AOAH: variants seen among roughly 807,000 people sequenced by gnomAD.
The protein encoded by AOAH is acyloxyacyl hydrolase.
AOAH carries 64 observed loss-of-function variants against 92.2 expected under a neutral mutation model. That is an observed-to-expected ratio of 0.69 (90% confidence interval 0.57 to 0.86). The LOEUF (loss-of-function observed/expected upper bound fraction) is 0.86, where lower values mean the gene tolerates loss of function less well. Among genes scored for constraint, AOAH ranks in the 40% least tolerant of loss-of-function variants. The pLI, the probability that AOAH is intolerant of heterozygous loss-of-function variation, is 0.00. For missense variants in AOAH, 656 were observed against 694.6 expected (o/e 0.94, Z 0.62); for synonymous variants, 263 against 254.5 (o/e 1.03, Z -0.32).
intron 4 of AOAH, among the ~76,000 whole-genome samples, chr7:36,652,512 C>G (rs767247189): frequency 6.6e-6 from 1 of 152,122 alleles, no homozygotes; most frequent in Non-Finnish European, 1.5e-5. Flanking sequence ...CTTAAAGACT[C>G]ACTTCTAAAG....
intron 2 of AOAH, among the ~76,000 whole-genome samples, chr7:36,684,514 A>G (rs1056206486): frequency 6.6e-6 from 1 of 152,206 alleles, no homozygotes; most frequent in African/African-American, 2.4e-5. Context: ...AGAAGTGTCC[A>G]TTATATGTCA....
chr7:36,582,162 C>T (rs1276012835), intron 12 of AOAH, among the ~76,000 whole-genome samples: 1 of 152,208 alleles, frequency 6.6e-6, no homozygotes, highest in African/African-American at 2.4e-5. Context: ...CCTTTCTCCA[C>T]AAAAATCCAG....
At chr7:36,565,153 G>T (rs1008578169) in intron 13 of AOAH, among the ~76,000 whole-genome samples, 17 of 152,154 alleles carry the variant, frequency 1.1e-4, no homozygotes, top group African/African-American at 3.9e-4. Context: ...ATAAGCATTT[G>T]CCTTTTTATA....
intron 1 of AOAH, among the ~76,000 whole-genome samples, chr7:36,713,370 A>T (rs1584178965): frequency 6.6e-6 from 1 of 152,228 alleles, no homozygotes; most frequent in African/African-American, 2.4e-5. Context: ...CTCCCACACA[A>T]TAATAATGGG....
At chr7:36,702,731 T>C (rs1798104307) in intron 1 of AOAH, among the ~76,000 whole-genome samples, 1 of 152,132 alleles carries the variant, frequency 6.6e-6, no homozygotes, top group Non-Finnish European at 1.5e-5. Flanking sequence ...AGATGGAGGG[T>C]CTTGCCTCGA....
chr7:36,674,028 G>T lies in AOAH; in HGVS notation c.224-19C>A. The T allele has an allele frequency of 6.8e-7, 1 of 1,461,970 alleles. No homozygotes were observed. The highest frequency in any genetic ancestry group is 9.6e-7 in the Non-Finnish European group (1 of 1,043,890). 90.6% of individuals were successfully genotyped at this position (1,461,970 alleles called of 1,614,324 possible). The stretch of plus-strand genomic sequence containing the variant: ...AGTTTTTCTAAAAAATATAAAGAGG[G>T]AAATTGAATATATTTTTATTGCGAC... On this transcript the variant is annotated intron_variant, in intron 2 of 20. Coordinates refer to ENST00000617537, the MANE Select transcript of AOAH (RefSeq NM_001637.4).
chr7:36,694,206 T>A (rs774128184), intron 1 of AOAH, among the ~76,000 whole-genome samples: 2 of 152,180 alleles, frequency 1.3e-5, no homozygotes, highest in Non-Finnish European at 2.9e-5. Context: ...GAAAGCCTAA[T>A]GCACTCAGGG....
chr7:36,673,588 T>G (rs1796059454), intron 3 of AOAH, among the ~76,000 whole-genome samples: 1 of 152,016 alleles, frequency 6.6e-6, no homozygotes, highest in Admixed American at 6.5e-5. Flanking sequence ...AAGCAGACTG[T>G]GATAATGCGA....
chr7:36,655,234 A>AT (rs1794807343), intron 4 of AOAH, among the ~76,000 whole-genome samples: 1 of 152,276 alleles, frequency 6.6e-6, no homozygotes, highest in Non-Finnish European at 1.5e-5. Flanking sequence ...ATTCCATAAG[A>AT]TTAAATGCAT....
chr7:36,679,331 CA>C lies in AOAH; in HGVS notation c.224-5323del, dbSNP rs916228567. Among the ~76,000 whole-genome samples, 456 of 142,046 alleles carry C rather than the reference CA, an allele frequency of 3.2e-3. 1 individual carries two copies. Among genetic ancestry groups the C allele is most frequent in the African/African-American group, 0.01 (405 of 38,932 alleles). The allele number at this position is 142,046 out of a possible 152,430, so 93.2% of individuals were successfully genotyped here. ...AAAATAAAAAAAAGTATTGAGGCCT[CA>C]AAAAAAAAAGAATCTTTTGAGGGGG... On this transcript the variant is annotated intron_variant, in intron 2 of 20. Transcript: ENST00000617537.
intron 1 of AOAH, among the ~76,000 whole-genome samples, chr7:36,720,687 G>A (rs1477792967): frequency 6.6e-6 from 1 of 152,146 alleles, no homozygotes; most frequent in Non-Finnish European, 1.5e-5. Flanking sequence ...CATTTTAAAG[G>A]ACTGTAATCT....
intron 9 of AOAH, among the ~76,000 whole-genome samples, chr7:36,618,799 T>C (rs902012426): frequency 5.9e-5 from 9 of 152,186 alleles, no homozygotes; most frequent in Admixed American, 1.3e-4. Context: ...CCTGAGGACA[T>C]TGGCAATGTC....
chr7:36,560,660 A>C (rs919206000), intron 13 of AOAH, among the ~76,000 whole-genome samples: 16 of 152,200 alleles, frequency 1.1e-4, no homozygotes, highest in Middle Eastern at 3.4e-3. Flanking sequence ...TCTAGGTGTA[A>C]GAATCATATT....
At chr7:36,548,336 C>T (rs978154743) in intron 15 of AOAH, among the ~76,000 whole-genome samples, 1 of 152,168 alleles carries the variant, frequency 6.6e-6, no homozygotes, top group Admixed American at 6.5e-5. Context: ...CAGGCACACG[C>T]CACCATGCCC....
intron 12 of AOAH, among the ~76,000 whole-genome samples, chr7:36,590,558 G>A (rs1036068223): frequency 5.9e-5 from 9 of 152,148 alleles, no homozygotes; most frequent in African/African-American, 2.2e-4. Context: ...ATTTTGAGAG[G>A]ACAAAGAGCA....
chr7:36,532,456 C>T, intron 16 of AOAH, 112 bp from the exon 17 acceptor site: 1 of 992,752 alleles, frequency 1.0e-6, no homozygotes, highest in Non-Finnish European at 1.6e-6. Flanking sequence ...CCAGGGTGTT[C>T]CCCTGATTTT....
chr7:36,577,974 A>G lies in AOAH; in HGVS notation c.939-1318T>C, dbSNP rs556769812. Among the ~76,000 whole-genome samples, 17 of 152,314 alleles carry G rather than the reference A, an allele frequency of 1.1e-4. No homozygotes were observed. In the South Asian group the frequency reaches 3.3e-3, roughly 30 times the overall value. On this transcript the variant is annotated intron_variant, in intron 12 of 20. Transcript: ENST00000617537. ...CAGTGCTTCAGAAAGGTAAGCATATATTATGTTTGGGCATTCAGGATGCAT... is the reference window on the plus strand; with the variant it reads ...CAGTGCTTCAGAAAGGTAAGCATATGTTATGTTTGGGCATTCAGGATGCAT...
At chr7:36,625,189 A>G (rs1792563840) in intron 6 of AOAH, among the ~76,000 whole-genome samples, 1 of 152,230 alleles carries the variant, frequency 6.6e-6, no homozygotes, top group East Asian at 1.9e-4. Flanking sequence ...GGATCCCTGA[A>G]AGGACAAGGC....
intron 1 of AOAH, among the ~76,000 whole-genome samples, chr7:36,700,948 T>G (rs1797992816): frequency 6.6e-6 from 1 of 152,084 alleles, no homozygotes; most frequent in African/African-American, 2.4e-5. Flanking sequence ...TGTTGAACAT[T>G]GTTTAATATG....
Sources: gnomAD v4.1 joint callset for allele counts (sites outside exome capture counted in the v4.1 genomes callset) on GRCh38, gnomAD v4.1.1 for gene constraint, MANE v1.5 for transcripts, NCBI Gene and HGNC (gene_info 2026-07-23, HGNC 2026-07-21) for gene names.